HS6ST3: variants seen among roughly 807,000 people sequenced by gnomAD.
HS6ST3 encodes the protein heparan sulfate 6-O-sulfotransferase 3.
In HS6ST3, 12 loss-of-function variants were observed where a neutral mutation model predicts 36.7. That is an observed-to-expected ratio of 0.33 (90% CI 0.21 to 0.53). The LOEUF (loss-of-function observed/expected upper bound fraction) is 0.53. HS6ST3 is among the 20% of genes least tolerant of loss of function. The pLI, the probability that HS6ST3 is intolerant of heterozygous loss-of-function variation, is 0.95. For synonymous variants in HS6ST3, 240 were observed against 257.5 expected, an observed-to-expected ratio of 0.93 and a Z score of 0.65; for missense variants, 584 against 640.9, an observed-to-expected ratio of 0.91 and a Z score of 0.96.
chr13:96,810,557 T>G (rs1381589296), intron 1 of HS6ST3, among the ~76,000 whole-genome samples: 1 of 152,202 alleles, frequency 6.6e-6, no homozygotes, highest in Non-Finnish European at 1.5e-5. Flanking sequence ...GTTGGTACTA[T>G]TTTTATCACC....
At chr13:96,498,785 C>T (rs74106492) in intron 1 of HS6ST3, among the ~76,000 whole-genome samples, 2,246 of 152,178 alleles carry the variant, frequency 0.015, 60 homozygotes, top group African/African-American at 0.051. Context: ...TCTTGTTCAG[C>T]CAGTGTCCCC....
At chr13:96,735,014 T>G (rs897359500) in intron 1 of HS6ST3, among the ~76,000 whole-genome samples, 30 of 152,208 alleles carry the variant, frequency 2.0e-4, no homozygotes, top group African/African-American at 6.8e-4. Flanking sequence ...GCTGCAGAGC[T>G]ATTTTGGATG....
chr13:96,388,849 T>C (rs1239575326), intron 1 of HS6ST3, among the ~76,000 whole-genome samples: 1 of 152,218 alleles, frequency 6.6e-6, no homozygotes, highest in Non-Finnish European at 1.5e-5. Flanking sequence ...GCTTCTCCTT[T>C]GCCTTCCATC....
At chr13:96,788,166 C>A (rs1295251109) in intron 1 of HS6ST3, among the ~76,000 whole-genome samples, 1 of 151,884 alleles carries the variant, frequency 6.6e-6, no homozygotes, top group Non-Finnish European at 1.5e-5. Context: ...GCCTTAAAAT[C>A]AGATAGTGTG....
At chr13:96,191,351 T>C (rs1315789173) in intron 1 of HS6ST3, among the ~76,000 whole-genome samples, 2 of 152,208 alleles carry the variant, frequency 1.3e-5, no homozygotes, top group Non-Finnish European at 2.9e-5. Flanking sequence ...CTCTCATCTT[T>C]GCTGCGTATA....
chr13:96,306,181 G>A (rs975136933), intron 1 of HS6ST3, among the ~76,000 whole-genome samples: 3 of 148,672 alleles, frequency 2.0e-5, no homozygotes, highest in African/African-American at 5.0e-5. Context: ...TCAACTCACT[G>A]CAAGCTCTGC....
chr13:96,818,526 C>A (rs1281821919), intron 1 of HS6ST3, among the ~76,000 whole-genome samples: 1 of 152,106 alleles, frequency 6.6e-6, no homozygotes, highest in African/African-American at 2.4e-5. Flanking sequence ...TGGGTGGGAG[C>A]TGAAGAACAA....
intron 1 of HS6ST3, among the ~76,000 whole-genome samples, chr13:96,465,445 AT>A (rs1164454445): frequency 6.6e-6 from 1 of 152,222 alleles, no homozygotes; most frequent in Non-Finnish European, 1.5e-5. Flanking sequence ...CCACGGATAA[AT>A]CATGCACAGG....
chr13:96,331,879 C>A (rs989879566), intron 1 of HS6ST3, among the ~76,000 whole-genome samples: 1 of 152,218 alleles, frequency 6.6e-6, no homozygotes, highest in Non-Finnish European at 1.5e-5. Context: ...GATATAATCT[C>A]GTGGTGCGCC....
intron 1 of HS6ST3, among the ~76,000 whole-genome samples, chr13:96,693,858 G>A (rs1420619177): frequency 2.0e-5 from 3 of 152,050 alleles, no homozygotes; most frequent in Non-Finnish European, 4.4e-5. Flanking sequence ...AAAGTTACAT[G>A]GGTCCAGATT....
At chr13:96,472,957 T>C (rs575397032) in intron 1 of HS6ST3, among the ~76,000 whole-genome samples, 1 of 152,208 alleles carries the variant, frequency 6.6e-6, no homozygotes, top group Non-Finnish European at 1.5e-5. Context: ...TTAACCAATA[T>C]ACCATTGTTG....
chr13:96,337,988 T>G (rs1310024957), intron 1 of HS6ST3, among the ~76,000 whole-genome samples: 1 of 152,066 alleles, frequency 6.6e-6, no homozygotes, highest in African/African-American at 2.4e-5. Context: ...AGGTGGCACT[T>G]GTTTCCTGAA....
At chr13:96,154,250 T>G (rs2054100333) in intron 1 of HS6ST3, among the ~76,000 whole-genome samples, 1 of 152,160 alleles carries the variant, frequency 6.6e-6, no homozygotes, top group African/African-American at 2.4e-5. Context: ...GTTTCAACAG[T>G]GCTTTTAAAG....
intron 1 of HS6ST3, among the ~76,000 whole-genome samples, chr13:96,180,572 GCAAA>G (rs1333277578): frequency 1.3e-5 from 2 of 152,068 alleles, no homozygotes; most frequent in Non-Finnish European, 2.9e-5. Context: ...AAAGAATCTT[GCAAA>G]CAGTGAGATT....
At chr13:96,408,515 G>T (rs1301850741) in intron 1 of HS6ST3, among the ~76,000 whole-genome samples, 1 of 152,186 alleles carries the variant, frequency 6.6e-6, no homozygotes, top group Non-Finnish European at 1.5e-5. Context: ...AATAGGCAGT[G>T]TGTTTGCCAG....
intron 1 of HS6ST3, among the ~76,000 whole-genome samples, chr13:96,167,952 C>T (rs1433266230): frequency 6.6e-6 from 1 of 152,164 alleles, no homozygotes; most frequent in Non-Finnish European, 1.5e-5. Context: ...GAAGCTAATA[C>T]TGAAAATTTT....
At chr13:96,280,894 A>C (rs963092569) in intron 1 of HS6ST3, among the ~76,000 whole-genome samples, 3 of 152,188 alleles carry the variant, frequency 2.0e-5, no homozygotes, top group Admixed American at 6.5e-5. Flanking sequence ...TCAATGTAAG[A>C]TTCAAGTCAA....
At chr13:96,661,229 G>A (rs1294831129) in intron 1 of HS6ST3, among the ~76,000 whole-genome samples, 1 of 152,072 alleles carries the variant, frequency 6.6e-6, no homozygotes, top group Non-Finnish European at 1.5e-5. Context: ...AATACTGTTG[G>A]CGGTGTGTTG....
intron 1 of HS6ST3, among the ~76,000 whole-genome samples, chr13:96,384,056 A>T (rs1328382263): frequency 2.6e-5 from 4 of 152,128 alleles, no homozygotes; most frequent in Admixed American, 1.3e-4. Flanking sequence ...CCTCTTGAGG[A>T]CTGCCTGAGA....
Sources: allele counts gnomAD v4.1 joint callset (sites outside exome capture counted in the v4.1 genomes callset), GRCh38; gene constraint gnomAD v4.1.1; transcripts MANE v1.5; gene names NCBI Gene and HGNC (gene_info 2026-07-23, HGNC 2026-07-21).